EFCAB6: variants seen among roughly 807,000 people sequenced by gnomAD.
EFCAB6 encodes EF-hand calcium-binding domain-containing protein 6.
EFCAB6 carries 156 observed loss-of-function variants against 169.8 expected under a neutral mutation model. The ratio of observed to expected loss-of-function variants is 0.92; its 90% CI spans 0.81 to 1.05. EFCAB6 has a LOEUF of 1.05. Ranked by LOEUF, EFCAB6 falls within the 50% of genes least tolerant of loss-of-function variation. The pLI is 0.00. For synonymous variants in EFCAB6, 698 were observed against 676.4 expected (o/e 1.03, Z -0.50); for missense variants, 1,800 against 1,829.1 (o/e 0.98, Z 0.29).
intron 19 of EFCAB6, among the ~76,000 whole-genome samples, chr22:43,627,247 T>G (rs1168140815): frequency 6.6e-6 from 1 of 152,202 alleles, no homozygotes; most frequent in Non-Finnish European, 1.5e-5. Context: ...CAGGGATTCC[T>G]ATTTTGCAGA....
chr22:43,769,537 G>A (rs1017498478), intron 4 of EFCAB6, among the ~76,000 whole-genome samples: 2 of 152,188 alleles, frequency 1.3e-5, no homozygotes, highest in Non-Finnish European at 2.9e-5. Flanking sequence ...GCAATAAAGG[G>A]TGATGTGGAA....
chr22:43,661,947 T>C (rs541506103), intron 17 of EFCAB6, among the ~76,000 whole-genome samples: 1 of 152,144 alleles, frequency 6.6e-6, no homozygotes, highest in South Asian at 2.1e-4. Context: ...TGAAAACCAG[T>C]CTCTACTAAA....
At chr22:43,662,030 A>C (rs2057027903) in intron 17 of EFCAB6, among the ~76,000 whole-genome samples, 1 of 152,006 alleles carries the variant, frequency 6.6e-6, no homozygotes. Context: ...AAAATTAGCC[A>C]GGTGCCTGTA....
chr22:43,692,263 A>G (rs2058437680), intron 10 of EFCAB6, among the ~76,000 whole-genome samples: 1 of 152,192 alleles, frequency 6.6e-6, no homozygotes, highest in Admixed American at 6.5e-5. Flanking sequence ...TACTAAAATA[A>G]CAGAAAGAAC....
At chr22:43,591,104 G>T (rs9614232) in intron 23 of EFCAB6, among the ~76,000 whole-genome samples, 234 of 104,424 alleles carry the variant, frequency 2.2e-3, no homozygotes, top group Admixed American at 5.1e-3. Flanking sequence ...GTTGTTTTTT[G>T]TTTTTTGTTT....
At chr22:43,594,806 G>A (rs2051870162) in intron 23 of EFCAB6, among the ~76,000 whole-genome samples, 1 of 152,184 alleles carries the variant, frequency 6.6e-6, no homozygotes, top group Non-Finnish European at 1.5e-5. Flanking sequence ...TACAGGACCT[G>A]TCATCCAATT....
In EFCAB6 at chr22:43,682,024, GGA is replaced by G. The variant is rs961306902; in HGVS notation, c.1251+1721_1251+1722del. 2.6e-5 allele frequency among the ~76,000 whole-genome samples: 4 copies of G among 152,300 alleles called. No homozygotes were observed. The South Asian group carries it at 6.2e-4, about 24-fold the overall frequency. On this transcript the variant is annotated intron_variant, in intron 12 of 31. Coordinates refer to ENST00000262726, the MANE Select transcript of EFCAB6 (RefSeq NM_022785.4). The stretch of plus-strand genomic sequence containing the variant: ...ACATTCTGCATCCCTCTCTATAGCA[GGA>G]GAGAGATTTGTTTCCCATGACTGCC...
At chr22:43,603,594 C>T (rs140024002) in intron 22 of EFCAB6, among the ~76,000 whole-genome samples, 95 of 152,346 alleles carry the variant, frequency 6.2e-4, no homozygotes, top group Non-Finnish European at 6.2e-4. Context: ...TAGTCCTTTC[C>T]GCTCAGTTTA....
At chr22:43,774,102 A>T (rs533169291) in intron 3 of EFCAB6, among the ~76,000 whole-genome samples, 1 of 152,146 alleles carries the variant, frequency 6.6e-6, no homozygotes, top group Admixed American at 6.5e-5. Context: ...CCTTTATAAT[A>T]ATATTCACAA....
chr22:43,697,811 T>C (rs1341776693), intron 10 of EFCAB6, among the ~76,000 whole-genome samples: 1 of 152,120 alleles, frequency 6.6e-6, no homozygotes, highest in Non-Finnish European at 1.5e-5. Flanking sequence ...TCGTAGCATG[T>C]GACTTCACGT....
At chr22:43,665,726 G>A (rs769737744) in intron 17 of EFCAB6, among the ~76,000 whole-genome samples, 20 of 152,144 alleles carry the variant, frequency 1.3e-4, no homozygotes, top group Non-Finnish European at 2.1e-4. Context: ...ACTGGTTATC[G>A]GCCACCTGGT....
intron 17 of EFCAB6, among the ~76,000 whole-genome samples, chr22:43,664,475 T>C (rs1169859415): frequency 2.0e-5 from 3 of 152,116 alleles, no homozygotes; most frequent in Non-Finnish European, 4.4e-5. Flanking sequence ...GTGAGTGCCA[T>C]GCAATACACA....
intron 4 of EFCAB6, 85 bp downstream of exon 4, chr22:43,772,807 A>C: frequency 6.8e-7 from 1 of 1,475,118 alleles, no homozygotes; most frequent in Non-Finnish European, 9.3e-7. Context: ...CAGTGGGGAC[A>C]AAGACAGGAG....
At position 43,737,412 on chromosome 22, in the gene EFCAB6, A is replaced by T. The variant is rs562287365; in HGVS notation, c.508-1419T>A. On this transcript the variant is annotated intron_variant, in intron 6 of 31. Transcript: ENST00000262726. ...TATATTCACACACACACATGCACAG[A>T]TACAGGCATACACACCATCACTCAC... is the stretch of plus-strand genomic sequence containing the variant. Among the ~76,000 whole-genome samples, 1,372 of 151,184 alleles carry T rather than the reference A, an allele frequency of 9.1e-3. 21 individuals carry two copies. Among genetic ancestry groups the T allele is most frequent in the Non-Finnish European group, 9.0e-3 (612 of 67,784 alleles).
At chr22:43,760,625 G>GGCCTAACCTTCA (rs1468424008) in intron 5 of EFCAB6, among the ~76,000 whole-genome samples, 6 of 151,310 alleles carry the variant, frequency 4.0e-5, no homozygotes, top group Non-Finnish European at 5.9e-5. Context: ...TAGGCCTGAA[G>GGCCTAACCTTCA]GTTCCGCCCT....
chr22:43,539,631 G>C (rs1049473213), intron 28 of EFCAB6, among the ~76,000 whole-genome samples: 1 of 152,170 alleles, frequency 6.6e-6, no homozygotes. Flanking sequence ...GGCTCAGCCA[G>C]GGCTCCAGGC....
chr22:43,789,883 A>ACACACACACACAC (rs61135895), intron 2 of EFCAB6, among the ~76,000 whole-genome samples: 4 of 151,034 alleles, frequency 2.6e-5, no homozygotes, highest in South Asian at 2.1e-4. Flanking sequence ...ACACACACAC[A>ACACACACACACAC]AAAGTCTTCC....
At chr22:43,784,063 G>C (rs1413747560) in intron 2 of EFCAB6, among the ~76,000 whole-genome samples, 1 of 151,950 alleles carries the variant, frequency 6.6e-6, no homozygotes, top group Admixed American at 6.6e-5. Context: ...AGAAAACTCT[G>C]TCTCAAAATA....
In EFCAB6 at chr22:43,744,428, C is replaced by T. The variant is rs2060490474; in HGVS notation, c.508-8435G>A. ...GGAACTGAGACTCAGACAGACACAGCAGAGCAAGGCAGAAGCAGCAGATGA... is the reference window on the plus strand; with the variant it reads ...GGAACTGAGACTCAGACAGACACAGTAGAGCAAGGCAGAAGCAGCAGATGA... On this transcript the variant is annotated intron_variant, in intron 6 of 31. Coordinates refer to ENST00000262726, the MANE Select transcript of EFCAB6 (RefSeq NM_022785.4). The surrounding 1 kb of genome is among the most constrained non-coding windows in gnomAD (Gnocchi z 4.3). Among the ~76,000 whole-genome samples, 1 of 152,142 alleles carries T rather than the reference C, an allele frequency of 6.6e-6. No individual in the cohort carries two copies. The highest frequency in any genetic ancestry group is 6.5e-5 in the Admixed American group (1 of 15,276).
Sources: allele counts gnomAD v4.1 joint callset (sites outside exome capture counted in the v4.1 genomes callset), GRCh38; gene constraint gnomAD v4.1.1; non-coding constraint Gnocchi (gnomAD v3.1); transcripts MANE v1.5; gene names NCBI Gene and HGNC (gene_info 2026-07-23, HGNC 2026-07-21).